Variants in ZNF536 observed in about 807,000 individuals in gnomAD.
ZNF536 encodes the protein zinc finger protein 536.
A neutral mutation model predicts 84.5 loss-of-function variants in ZNF536; 13 were observed. That is an observed-to-expected ratio of 0.15 (90% CI 0.10 to 0.24). ZNF536 has a LOEUF of 0.24. ZNF536 is among the 10% of genes least tolerant of loss of function. The probability of loss-of-function intolerance (pLI) is 1.00; values close to 1 mark genes in which losing one functional copy is unlikely to be tolerated. For missense variants in ZNF536, 1,536 were observed against 1,747.5 expected (o/e 0.88, Z 2.16); for synonymous variants, 811 against 742.5 (o/e 1.09, Z -1.50).
intron 2 of ZNF536, among the ~76,000 whole-genome samples, chr19:30,506,611 C>T (rs1016638682): frequency 6.6e-6 from 1 of 152,204 alleles, no homozygotes; most frequent in African/African-American, 2.4e-5. Context: ...GCAGATCTTG[C>T]ACAAAGCGGG....
At chr19:30,479,975 C>T (rs868476235) in intron 2 of ZNF536, among the ~76,000 whole-genome samples, 4 of 152,230 alleles carry the variant, frequency 2.6e-5, no homozygotes, top group African/African-American at 2.4e-5. Context: ...GCGCTGGGCT[C>T]TGGGGATTGC....
At chr19:30,539,316 G>C (rs576582725) in intron 3 of ZNF536, among the ~76,000 whole-genome samples, 2 of 152,136 alleles carry the variant, frequency 1.3e-5, no homozygotes, top group Non-Finnish European at 2.9e-5. Flanking sequence ...CAGGCAAAGC[G>C]AGTGCACTCC....
chr19:30,663,279 AT>A (rs576417446), intron 1 of ZNF536, among the ~76,000 whole-genome samples: 14 of 152,154 alleles, frequency 9.2e-5, no homozygotes, highest in Non-Finnish European at 1.6e-4. Context: ...GAGTGAAATA[AT>A]TTGTGTGATC....
At chr19:30,286,330 C>T (rs2045625389) in intron 2 of ZNF536, among the ~76,000 whole-genome samples, 1 of 152,148 alleles carries the variant, frequency 6.6e-6, no homozygotes, top group African/African-American at 2.4e-5. Context: ...CTTCAGCCAG[C>T]ACCACAGTCC....
At position 30,599,538 on chromosome 19, in the gene ZNF536, G is replaced by T. The variant is rs940031876; in HGVS notation, c.169+50024G>T. Among the ~76,000 whole-genome samples, 2 of 138,416 alleles carry T rather than the reference G, an allele frequency of 1.4e-5. 1 individual carries two copies. Among genetic ancestry groups the T allele is most frequent in the South Asian group, 4.7e-4 (2 of 4,264 alleles). 90.8% of individuals were successfully genotyped at this position (138,416 alleles called of 152,430 possible). A position where few individuals can be genotyped will look rare whatever the true frequency, so the allele number is the denominator to read the frequency against. On this transcript the variant is annotated intron_variant, in intron 1 of 1. Transcript: ENST00000592773. ...ACCTTCCTTCCCTCCCCCAGCCCTT[G>T]TCTATTCATTCGCATATCCACTCAG...
intron 1 of ZNF536, among the ~76,000 whole-genome samples, chr19:30,262,425 G>A (rs1283960735): frequency 6.6e-6 from 1 of 152,246 alleles, no homozygotes; most frequent in East Asian, 1.9e-4. Flanking sequence ...CTGACTCAGA[G>A]GCCATCTTCC....
intron 3 of ZNF536, among the ~76,000 whole-genome samples, chr19:30,356,463 A>G (rs953153244): frequency 6.6e-6 from 1 of 152,226 alleles, no homozygotes; most frequent in Non-Finnish European, 1.5e-5. Context: ...CCTTAGTTAA[A>G]TGCTGCAGGA....
chr19:30,457,270 CTCTT>C (rs2052899497), intron 2 of ZNF536, among the ~76,000 whole-genome samples: 1 of 152,228 alleles, frequency 6.6e-6, no homozygotes, highest in Non-Finnish European at 1.5e-5. Flanking sequence ...GGAGGAGTAA[CTCTT>C]TCCCTCTGTA....
intron 1 of ZNF536, among the ~76,000 whole-genome samples, chr19:30,676,442 G>A (rs1005776926): frequency 1.3e-5 from 2 of 152,188 alleles, no homozygotes; most frequent in African/African-American, 2.4e-5. Flanking sequence ...CGTGATCACA[G>A]CATTATTTGA....
chr19:30,537,282 C>G (rs1223112093), intron 3 of ZNF536, among the ~76,000 whole-genome samples: 1 of 152,194 alleles, frequency 6.6e-6, no homozygotes. Context: ...TTTTCCTCCC[C>G]AGATTGGAGC....
chr19:30,563,702 A>G (rs2046254878), intron 1 of ZNF536, among the ~76,000 whole-genome samples: 2 of 152,300 alleles, frequency 1.3e-5, no homozygotes, highest in South Asian at 4.1e-4. Flanking sequence ...GGGTTTTGCA[A>G]CAGGAGCTGT....
intron 1 of ZNF536, among the ~76,000 whole-genome samples, chr19:30,661,617 A>G (rs2050125634): frequency 6.6e-6 from 1 of 152,228 alleles, no homozygotes. Context: ...TCGGGGAAAG[A>G]CTTTCGCATA....
chr19:30,389,055 C>T (rs780761667), intron 1 of ZNF536, among the ~76,000 whole-genome samples: 3 of 152,238 alleles, frequency 2.0e-5, no homozygotes, highest in Admixed American at 6.5e-5. Context: ...TTACCAGGCT[C>T]CTCTTACCAT....
At chr19:30,381,721 G>A (rs149590688) in intron 1 of ZNF536, among the ~76,000 whole-genome samples, 6 of 152,284 alleles carry the variant, frequency 3.9e-5, no homozygotes, top group East Asian at 3.9e-4. Context: ...GTATGGATGC[G>A]GGGTGGTTGA....
Position 30,617,512 on chromosome 19 carries a change from G to A in ZNF536, c.169+67998G>A, listed in dbSNP as rs10420315. Reference sequence around the variant, plus strand: ...ACGACAGGCGCCTGCCACCACGCCTGGCTAATTTTTTGTATTTTTAGTAGA... The same window carrying A: ...ACGACAGGCGCCTGCCACCACGCCTAGCTAATTTTTTGTATTTTTAGTAGA... On this transcript the variant is annotated intron_variant, in intron 1 of 1. Coordinates refer to the ZNF536 transcript ENST00000592773. Among the ~76,000 whole-genome samples, 526 of 151,340 alleles carry A rather than the reference G, an allele frequency of 3.5e-3. 2 individuals are homozygous for A. Among genetic ancestry groups the A allele is most frequent in the African/African-American group, 0.012 (506 of 41,340 alleles).
chr19:30,431,127 C>T (rs2051440474), intron 1 of ZNF536, among the ~76,000 whole-genome samples: 2 of 152,188 alleles, frequency 1.3e-5, no homozygotes, highest in African/African-American at 4.8e-5. Context: ...AGGAACACTC[C>T]CATATCTGAG....
chr19:30,640,981 T>G (rs928799303), intron 1 of ZNF536, among the ~76,000 whole-genome samples: 1 of 152,224 alleles, frequency 6.6e-6, no homozygotes, highest in Non-Finnish European at 1.5e-5. Context: ...CCTATGCAGC[T>G]GTACACATTC....
Position 30,445,365 on chromosome 19 carries a change from A to G in ZNF536, c.1803A>G (p.Leu601=), listed in dbSNP as rs2148221709. 7 of 1,614,168 alleles carry G rather than the reference A, an allele frequency of 4.3e-6. No individual in the cohort carries two copies. In the Admixed American group the frequency reaches 1.2e-4, roughly 27 times the overall value. ...QRDLPSKLDP[L]ESSRDFLSHG... is the part of the protein sequence containing the mutation. ...ACCTGCCAAGTAAGCTCGACCCTTT[A>G]GAAAGCAGTCGGGATTTTTTGTCAC... Residue 601 remains leucine (L), a synonymous_variant, in exon 2 of 5, where the codon TTA becomes TTG. Transcript: ENST00000355537. This position sits in a 1 kb window ranked among gnomAD's most constrained non-coding sequence, Gnocchi z 4.5.
At chr19:30,501,070 A>C (rs577398344) in intron 2 of ZNF536, among the ~76,000 whole-genome samples, 1 of 152,304 alleles carries the variant, frequency 6.6e-6, no homozygotes, top group East Asian at 1.9e-4. Flanking sequence ...CAAACCTACA[A>C]AGTGGGTATC....
Sources: gnomAD v4.1 joint callset for allele counts (sites outside exome capture counted in the v4.1 genomes callset) on GRCh38, gnomAD v4.1.1 for gene constraint, Gnocchi (gnomAD v3.1) non-coding constraint, MANE v1.5 for transcripts, NCBI Gene and HGNC (gene_info 2026-07-23, HGNC 2026-07-21) for gene names.